MCTP1: variants seen among roughly 807,000 people sequenced by gnomAD.
MCTP1 encodes multiple C2 and transmembrane domain-containing protein 1.
Under a neutral mutation model 120.6 loss-of-function variants are expected in MCTP1, and 69 were observed. The ratio of observed to expected loss-of-function variants is 0.57; its 90% CI spans 0.47 to 0.70. MCTP1 has a LOEUF of 0.70. Ranked by LOEUF, MCTP1 falls within the 30% of genes least tolerant of loss-of-function variation. The pLI, the probability that MCTP1 is intolerant of heterozygous loss-of-function variation, is 0.00. For synonymous variants in MCTP1, 529 were observed against 493.1 expected, an observed-to-expected ratio of 1.07 and a Z score of -0.96; for missense variants, 1,203 against 1,248.8, an observed-to-expected ratio of 0.96 and a Z score of 0.55.
At position 94,716,716 on chromosome 5, in the gene MCTP1, G is replaced by C. The variant is rs552314388; in HGVS notation, c.2611-1830C>G. 9.9e-5 allele frequency among the ~76,000 whole-genome samples: 15 copies of C among 151,650 alleles called. No individual in the cohort carries two copies. In the East Asian group the frequency reaches 1.5e-3, roughly 16 times the overall value. On this transcript the variant is annotated intron_variant, in intron 19 of 22. Coordinates refer to ENST00000515393, the MANE Select transcript of MCTP1 (RefSeq NM_024717.7). ...GTAACAAAATATATGAAATACCTAG[G>C]TAAAACCTCAGCAGGAAATTTACGA...
chr5:95,062,794 G>C (rs1749585332), intron 1 of MCTP1, among the ~76,000 whole-genome samples: 1 of 21,782 alleles, frequency 4.6e-5, no homozygotes, highest in Admixed American at 1.3e-3. Context: ...ACTGATCTCT[G>C]TTTTATTGTT....
chr5:94,716,393 TAAA>T (rs75209507), intron 19 of MCTP1, among the ~76,000 whole-genome samples: 30 of 135,464 alleles, frequency 2.2e-4, no homozygotes, highest in African/African-American at 3.0e-4. Flanking sequence ...CACTCTCCAG[TAAA>T]AAAAAAAAAA....
Position 94,912,830 on chromosome 5 carries a change from A to G in MCTP1, c.1497T>C (p.Leu499=). Residue 499 remains leucine, a synonymous_variant, in exon 9 of 23, where the codon CTT becomes CTC. Coordinates refer to ENST00000515393, the MANE Select transcript of MCTP1 (RefSeq NM_024717.7). Reference sequence around the variant, plus strand: ...CCTTGCTCTTGTACTTCTGATGCCCAAGCCGGAACTTCACGTAGGGATCGC... The same window carrying G: ...CCTTGCTCTTGTACTTCTGATGCCCGAGCCGGAACTTCACGTAGGGATCGC... ...GLSDPYVKFR[L]GHQKYKSKIM... 1 of 1,578,486 alleles carries G rather than the reference A, an allele frequency of 6.3e-7. No individual in the cohort carries two copies. The highest frequency in any genetic ancestry group is 8.6e-7 in the Non-Finnish European group (1 of 1,163,858).
intron 1 of MCTP1, among the ~76,000 whole-genome samples, chr5:95,103,051 A>G (rs890340969): frequency 6.6e-6 from 1 of 152,158 alleles, no homozygotes; most frequent in African/African-American, 2.4e-5. Flanking sequence ...TAATCTATGT[A>G]AAGTGTTAGC....
chr5:94,960,256 T>C (rs1445103982), intron 2 of MCTP1, among the ~76,000 whole-genome samples: 1 of 152,144 alleles, frequency 6.6e-6, no homozygotes, highest in African/African-American at 2.4e-5. Flanking sequence ...TTACACATTA[T>C]ACAAAAATTA....
rs534127280 is a variant in MCTP1 at position 94,805,676 on chromosome 5, T to C, written c.2437-6544A>G. ...CTCCTAACAAGTATCTTATATCATA[T>C]CATATTGCACAGAGAGAACTTTAAG... On this transcript the variant is annotated intron_variant, in intron 17 of 22. Transcript: ENST00000515393. 8.8e-4 allele frequency among the ~76,000 whole-genome samples: 133 copies of C among 151,840 alleles called. 1 individual carries two copies. Among genetic ancestry groups the C allele is most frequent in the Non-Finnish European group, 1.5e-3 (103 of 67,960 alleles).
At chr5:94,891,417 G>A (rs1802577492) in intron 11 of MCTP1, among the ~76,000 whole-genome samples, 1 of 152,176 alleles carries the variant, frequency 6.6e-6, no homozygotes, top group Non-Finnish European at 1.5e-5. Context: ...ACACAATGTT[G>A]TAAATCAGGT....
At chr5:94,961,641 G>A (rs578001983) in intron 2 of MCTP1, among the ~76,000 whole-genome samples, 1 of 152,260 alleles carries the variant, frequency 6.6e-6, no homozygotes, top group South Asian at 2.1e-4. Context: ...GACCTACAGA[G>A]TCTCTGCTGC....
chr5:94,800,498 TA>T (rs1780997761), intron 17 of MCTP1, among the ~76,000 whole-genome samples: 1 of 152,186 alleles, frequency 6.6e-6, no homozygotes, highest in Non-Finnish European at 1.5e-5. Flanking sequence ...ACAGCCTATT[TA>T]AATGGCAGAG....
intron 1 of MCTP1, among the ~76,000 whole-genome samples, chr5:95,185,161 C>T (rs1048452703): frequency 3.3e-5 from 5 of 152,116 alleles, no homozygotes; most frequent in Admixed American, 1.3e-4. Flanking sequence ...TCTGAGAAAA[C>T]GGAAGTGGAG....
At chr5:95,277,168 G>A (rs913852324) in intron 1 of MCTP1, among the ~76,000 whole-genome samples, 4 of 152,084 alleles carry the variant, frequency 2.6e-5, no homozygotes, top group South Asian at 4.1e-4. Context: ...ACTTGGGTGC[G>A]AAAAATGGAT....
chr5:95,012,950 G>T (rs1367701566), intron 2 of MCTP1, among the ~76,000 whole-genome samples: 1 of 152,130 alleles, frequency 6.6e-6, no homozygotes, highest in East Asian at 1.9e-4. Flanking sequence ...ATGTCAAAAG[G>T]AGAGACAGGC....
At chr5:95,212,823 T>C (rs1008041781) in intron 1 of MCTP1, among the ~76,000 whole-genome samples, 67 of 151,970 alleles carry the variant, frequency 4.4e-4, no homozygotes, top group African/African-American at 1.4e-3. Context: ...ACCCTTCATG[T>C]TAAAAACTCT....
chr5:95,277,673 A>G (rs1324293567), intron 1 of MCTP1, among the ~76,000 whole-genome samples: 1 of 152,190 alleles, frequency 6.6e-6, no homozygotes, highest in East Asian at 1.9e-4. Flanking sequence ...GTTCAGGCTT[A>G]AGCAAAATAA....
At chr5:95,118,713 A>G (rs1025400551) in intron 1 of MCTP1, among the ~76,000 whole-genome samples, 13 of 152,216 alleles carry the variant, frequency 8.5e-5, no homozygotes, top group Non-Finnish European at 1.3e-4. Context: ...TGGAAACAAA[A>G]AAGAGCAAAA....
At chr5:95,201,010 A>G (rs1582511380) in intron 1 of MCTP1, among the ~76,000 whole-genome samples, 1 of 152,366 alleles carries the variant, frequency 6.6e-6, no homozygotes, top group African/African-American at 2.4e-5. Flanking sequence ...AAGCATGTAG[A>G]AGAATTAAGA....
chr5:94,923,216 G>C (rs2153462931), intron 7 of MCTP1, among the ~76,000 whole-genome samples: 1 of 152,290 alleles, frequency 6.6e-6, no homozygotes, highest in Non-Finnish European at 1.5e-5. Flanking sequence ...CAAGCCCTAA[G>C]AGTGTAGCAT....
At chr5:94,919,292 T>C (rs1337462920) in intron 7 of MCTP1, among the ~76,000 whole-genome samples, 1 of 152,182 alleles carries the variant, frequency 6.6e-6, no homozygotes, top group Non-Finnish European at 1.5e-5. Flanking sequence ...AGTTTTAGTT[T>C]AAAAAGTTTA....
At chr5:95,036,379 T>C (rs1379115085) in intron 1 of MCTP1, among the ~76,000 whole-genome samples, 1 of 152,190 alleles carries the variant, frequency 6.6e-6, no homozygotes, top group African/African-American at 2.4e-5. Context: ...GGGATTTTGC[T>C]GAAGAATCCT....
Sources: allele counts gnomAD v4.1 joint callset (sites outside exome capture counted in the v4.1 genomes callset), GRCh38; gene constraint gnomAD v4.1.1; transcripts MANE v1.5; gene names NCBI Gene and HGNC (gene_info 2026-07-23, HGNC 2026-07-21).